Variants in KIF16B observed in about 807,000 individuals in gnomAD.
The protein encoded by KIF16B is kinesin-like protein KIF16B.
Under a neutral mutation model 156.3 loss-of-function variants are expected in KIF16B, and 98 were observed. The ratio of observed to expected loss-of-function variants is 0.63; its 90% CI spans 0.53 to 0.74. KIF16B has a LOEUF of 0.74. Ranked by LOEUF, KIF16B falls within the 30% of genes least tolerant of loss-of-function variation. KIF16B has a pLI of 0.00. For synonymous variants in KIF16B, 564 were observed against 583.7 expected (o/e 0.97, Z 0.49); for missense variants, 1,421 against 1,606.5 (o/e 0.88, Z 1.97).
chr20:16,443,227 C>A (rs1191246160), intron 12 of KIF16B, among the ~76,000 whole-genome samples: 1 of 152,096 alleles, frequency 6.6e-6, no homozygotes, highest in Non-Finnish European at 1.5e-5. Flanking sequence ...ATCACTAAAC[C>A]CAAATTTGTC....
At chr20:16,502,067 G>C (rs1158885087) in intron 10 of KIF16B, among the ~76,000 whole-genome samples, 2 of 152,060 alleles carry the variant, frequency 1.3e-5, no homozygotes, top group Non-Finnish European at 2.9e-5. Context: ...CTACATAGTA[G>C]AAGAATCAAA....
chr20:16,566,972 T>C (rs931386405), intron 1 of KIF16B, among the ~76,000 whole-genome samples: 2 of 152,228 alleles, frequency 1.3e-5, no homozygotes, highest in Non-Finnish European at 2.9e-5. Flanking sequence ...CCTGTCTACC[T>C]GCCTTGCAAC....
chr20:16,541,257 T>C (rs894787522), intron 1 of KIF16B, among the ~76,000 whole-genome samples: 1 of 152,222 alleles, frequency 6.6e-6, no homozygotes, highest in African/African-American at 2.4e-5. Flanking sequence ...GGAACACAGA[T>C]AGTAAAAAAT....
At chr20:16,369,074 C>G (rs1442963373) in intron 22 of KIF16B, 9 of 985,770 alleles carry the variant, frequency 9.1e-6, no homozygotes, top group Non-Finnish European at 1.1e-5. Context: ...GAGGACTGAT[C>G]CCTCTGCTGG....
At chr20:16,356,913 T>G (rs1242922550) in intron 22 of KIF16B, among the ~76,000 whole-genome samples, 1 of 152,236 alleles carries the variant, frequency 6.6e-6, no homozygotes, top group East Asian at 1.9e-4. Flanking sequence ...TTTTTAACTT[T>G]TAGGCATTTT....
Position 16,445,025 on chromosome 20 carries a change from C to T in KIF16B, c.1303-15043G>A, listed in dbSNP as rs6105603. 5.9e-5 allele frequency among the ~76,000 whole-genome samples: 9 copies of T among 152,018 alleles called. No homozygotes were observed. The Middle Eastern group carries it at 0.01, about 172-fold the overall frequency. On this transcript the variant is annotated intron_variant, in intron 12 of 25. Transcript: ENST00000354981. ...ACATGCATTTACTATAGATTGTGAA[C>T]GGAAAAAGGGAAATACGAATATATT... is the stretch of plus-strand genomic sequence containing the variant.
chr20:16,521,123 T>C (rs982685191), intron 3 of KIF16B, among the ~76,000 whole-genome samples: 3 of 151,916 alleles, frequency 2.0e-5, no homozygotes, highest in African/African-American at 7.3e-5. Context: ...TCCAAAGAAT[T>C]ACAACTCCTC....
intron 23 of KIF16B, among the ~76,000 whole-genome samples, chr20:16,352,062 C>G (rs1426170078): frequency 6.6e-6 from 1 of 152,198 alleles, no homozygotes; most frequent in South Asian, 2.1e-4. Context: ...CTAGAGCAGA[C>G]ACGACTAATC....
At chr20:16,542,175 T>C (rs2070230229) in intron 1 of KIF16B, among the ~76,000 whole-genome samples, 1 of 152,110 alleles carries the variant, frequency 6.6e-6, no homozygotes, top group South Asian at 2.1e-4. Flanking sequence ...GAAAGGAGAA[T>C]AGCCTAACAA....
intron 25 of KIF16B, among the ~76,000 whole-genome samples, chr20:16,307,844 A>G (rs2122666257): frequency 6.6e-6 from 1 of 152,312 alleles, no homozygotes; most frequent in Admixed American, 6.5e-5. Flanking sequence ...CAGATGTTTC[A>G]GGCCCGTGGT....
chr20:16,334,625 G>T (rs759662311), intron 24 of KIF16B, among the ~76,000 whole-genome samples: 2 of 152,174 alleles, frequency 1.3e-5, no homozygotes, highest in South Asian at 4.1e-4. Context: ...GGCCTAGTAG[G>T]AGGTGTTGGA....
At chr20:16,412,238 T>C (rs888562442) in intron 15 of KIF16B, among the ~76,000 whole-genome samples, 2 of 151,652 alleles carry the variant, frequency 1.3e-5, no homozygotes, top group African/African-American at 4.8e-5. Flanking sequence ...GAAAACACCA[T>C]TGGGTGTGGT....
At chr20:16,507,789 G>A (rs2068830715) in intron 7 of KIF16B, among the ~76,000 whole-genome samples, 169 bp downstream of exon 7, 1 of 152,196 alleles carries the variant, frequency 6.6e-6, no homozygotes, top group Non-Finnish European at 1.5e-5. Context: ...TGTAACCACA[G>A]AGAAACTCAG....
intron 24 of KIF16B, among the ~76,000 whole-genome samples, chr20:16,331,361 G>A (rs1239293584): frequency 6.6e-6 from 1 of 152,192 alleles, no homozygotes; most frequent in African/African-American, 2.4e-5. Context: ...CAGATGAAAT[G>A]TGAATGGGCA....
intron 12 of KIF16B, among the ~76,000 whole-genome samples, chr20:16,455,363 TAA>T (rs11478748): frequency 5.1e-4 from 74 of 143,750 alleles, no homozygotes; most frequent in African/African-American, 1.6e-3. Flanking sequence ...CTGCTTATCT[TAA>T]AAAAAAAAAA....
chr20:16,473,168 C>T (rs979713334), intron 12 of KIF16B, among the ~76,000 whole-genome samples: 1 of 152,124 alleles, frequency 6.6e-6, no homozygotes, highest in East Asian at 1.9e-4. Context: ...TAGCTTAAAA[C>T]CCAACGGAAG....
chr20:16,552,718 T>C (rs2070712336), intron 1 of KIF16B, among the ~76,000 whole-genome samples: 2 of 152,320 alleles, frequency 1.3e-5, no homozygotes, highest in African/African-American at 4.8e-5. Context: ...CAGCATATTA[T>C]TTGTCTTTTT....
At chr20:16,422,386 A>G (rs1010072158) in intron 15 of KIF16B, among the ~76,000 whole-genome samples, 6 of 152,114 alleles carry the variant, frequency 3.9e-5, no homozygotes, top group Admixed American at 2.6e-4. Flanking sequence ...TTCTCAGCAA[A>G]TCCACAAGAG....
At chr20:16,359,821 T>C (rs915602071) in intron 22 of KIF16B, among the ~76,000 whole-genome samples, 1 of 152,172 alleles carries the variant, frequency 6.6e-6, no homozygotes, top group African/African-American at 2.4e-5. Flanking sequence ...TATATGGCCC[T>C]TGGCTGGATA....
Sources: gnomAD v4.1 joint callset for allele counts (sites outside exome capture counted in the v4.1 genomes callset) on GRCh38, gnomAD v4.1.1 for gene constraint, MANE v1.5 for transcripts, NCBI Gene and HGNC (gene_info 2026-07-23, HGNC 2026-07-21) for gene names.